The following CDH13 variants were observed in gnomAD, a reference collection of about 807,000 sequenced individuals.
CDH13 encodes cadherin 13, also known as cadherin-13.
CDH13 carries 24 observed loss-of-function variants against 63.8 expected under a neutral mutation model. The observed-to-expected ratio is 0.38, with a 90% CI of 0.27 to 0.53. CDH13 has a LOEUF of 0.53. Ranked by LOEUF, CDH13 falls within the 20% of genes least tolerant of loss-of-function variation. The pLI is 0.85. For synonymous variants in CDH13, 503 were observed against 355.3 expected (o/e 1.42, Z -4.67); for missense variants, 1,049 against 903.1 (o/e 1.16, Z -2.07).
intron 6 of CDH13, 48 bp downstream of exon 6, chr16:83,345,054 C>G (rs1181731317): frequency 6.3e-7 from 1 of 1,591,040 alleles, no homozygotes; most frequent in Non-Finnish European, 8.6e-7. Context: ...GAAAGAGGCA[C>G]ACTTTGATCT....
intron 6 of CDH13, among the ~76,000 whole-genome samples, chr16:83,353,952 T>C (rs1473394542): frequency 6.6e-6 from 1 of 152,224 alleles, no homozygotes; most frequent in Non-Finnish European, 1.5e-5. Context: ...AGGGAAGGAT[T>C]TGTGGCATCA....
intron 8 of CDH13, among the ~76,000 whole-genome samples, chr16:83,623,364 G>C (rs1909987995): frequency 6.6e-6 from 1 of 152,064 alleles, no homozygotes; most frequent in Admixed American, 6.5e-5. Context: ...TTTCTCCCTG[G>C]ATCTCAGCAT....
intron 5 of CDH13, among the ~76,000 whole-genome samples, chr16:83,312,859 A>C (rs1303849424): frequency 2.0e-5 from 3 of 152,180 alleles, no homozygotes; most frequent in Non-Finnish European, 4.4e-5. Context: ...AGGCCAGGAG[A>C]ATTTGACCTC....
chr16:83,203,900 C>CG (rs2039106033), intron 4 of CDH13, among the ~76,000 whole-genome samples: 1 of 152,054 alleles, frequency 6.6e-6, no homozygotes, highest in Non-Finnish European at 1.5e-5. Flanking sequence ...AGAATGCACA[C>CG]AAAACCCTTC....
At chr16:83,082,496 G>A (rs1021917613) in intron 3 of CDH13, among the ~76,000 whole-genome samples, 1 of 151,948 alleles carries the variant, frequency 6.6e-6, no homozygotes, top group African/African-American at 2.4e-5. Flanking sequence ...AGCCAGGTGT[G>A]GTGGTGGGTA....
intron 4 of CDH13, among the ~76,000 whole-genome samples, chr16:83,132,254 T>C (rs564460090): frequency 6.6e-6 from 1 of 152,190 alleles, no homozygotes; most frequent in East Asian, 1.9e-4. Context: ...AGACTCAGGG[T>C]TACTTGCTGT....
chr16:83,504,934 A>C (rs2074362341), intron 7 of CDH13, among the ~76,000 whole-genome samples: 1 of 152,180 alleles, frequency 6.6e-6, no homozygotes, highest in African/African-American at 2.4e-5. Flanking sequence ...GCCTCAAATA[A>C]AGCATCAAAA....
intron 1 of CDH13, among the ~76,000 whole-genome samples, chr16:82,708,049 CA>C (rs2031631128): frequency 3.3e-5 from 5 of 152,146 alleles, no homozygotes; most frequent in Admixed American, 3.3e-4. Flanking sequence ...GCTCAGACGT[CA>C]CCTTGGGCAT....
At chr16:82,749,616 C>A (rs867401933) in intron 1 of CDH13, among the ~76,000 whole-genome samples, 2 of 152,142 alleles carry the variant, frequency 1.3e-5, no homozygotes, top group African/African-American at 4.8e-5. Context: ...CATGTTCATG[C>A]GATTGTTTTA....
intron 8 of CDH13, among the ~76,000 whole-genome samples, chr16:83,661,431 C>T (rs542229334): frequency 2.6e-4 from 39 of 151,058 alleles, no homozygotes; most frequent in African/African-American, 7.6e-4. Context: ...TGCAATGAGA[C>T]GCAGTCACAC....
intron 11 of CDH13, among the ~76,000 whole-genome samples, chr16:83,751,874 G>C (rs577216333): frequency 1.3e-5 from 2 of 152,172 alleles, no homozygotes; most frequent in African/African-American, 4.8e-5. Context: ...TCTTGTTTTC[G>C]GAGGGTGGGT....
At chr16:83,023,323 C>G (rs921273996) in intron 2 of CDH13, among the ~76,000 whole-genome samples, 4 of 152,160 alleles carry the variant, frequency 2.6e-5, no homozygotes, top group South Asian at 2.1e-4. Flanking sequence ...ACCCCGCCCT[C>G]CCAGGGTGTT....
chr16:82,741,872 C>T (rs769337891), intron 1 of CDH13, among the ~76,000 whole-genome samples: 1 of 152,050 alleles, frequency 6.6e-6, no homozygotes, highest in African/African-American at 2.4e-5. Context: ...GGATTTTTAT[C>T]ATTTCTCTTT....
At chr16:83,560,899 GC>G (rs138383978) in intron 7 of CDH13, among the ~76,000 whole-genome samples, 27 of 148,570 alleles carry the variant, frequency 1.8e-4, no homozygotes, top group East Asian at 4.0e-4. Context: ...CATAAGGTTG[GC>G]CCCCCCCCCG....
Position 83,602,573 on chromosome 16 carries a change from A to G in CDH13, c.1080A>G (p.Ser360=). ...TGATCGATGACAAAAATGATCACTC[A>G]CCAAAATTCACCAAGAAAGAGGTAA... ...TIMIDDKNDH[S]PKFTKKEFQA... Residue 360 remains serine (S), a synonymous_variant, in exon 8 of 14, where the codon TCA becomes TCG. Transcript: ENST00000567109. 3 of 1,613,980 alleles carry G rather than the reference A, an allele frequency of 1.9e-6. No individual in the cohort carries two copies. Among genetic ancestry groups the G allele is most frequent in the Non-Finnish European group, 2.5e-6 (3 of 1,179,870 alleles).
intron 5 of CDH13, among the ~76,000 whole-genome samples, chr16:83,296,805 C>G (rs2089609260): frequency 6.6e-6 from 1 of 152,166 alleles, no homozygotes; most frequent in Admixed American, 6.5e-5. Flanking sequence ...CACCCAATAA[C>G]ACGGGTTTAT....
At chr16:83,715,346 C>T (rs1908726664) in intron 10 of CDH13, among the ~76,000 whole-genome samples, 1 of 152,138 alleles carries the variant, frequency 6.6e-6, no homozygotes, top group South Asian at 2.1e-4. Flanking sequence ...TGCAAGAATC[C>T]ATCTACTTTA....
intron 6 of CDH13, among the ~76,000 whole-genome samples, chr16:83,481,915 C>T (rs190197737): frequency 6.6e-6 from 1 of 152,158 alleles, no homozygotes. Flanking sequence ...AAGTGGTGGA[C>T]ATGGAGTCCA....
At chr16:82,666,398 C>A (rs534872750) in intron 1 of CDH13, among the ~76,000 whole-genome samples, 37 of 152,320 alleles carry the variant, frequency 2.4e-4, no homozygotes, top group African/African-American at 7.5e-4. Flanking sequence ...CCACCATCAG[C>A]CCTCCCTCTC....
Sources: allele counts gnomAD v4.1 joint callset (sites outside exome capture counted in the v4.1 genomes callset), GRCh38; gene constraint gnomAD v4.1.1; transcripts MANE v1.5; gene names NCBI Gene and HGNC (gene_info 2026-07-23, HGNC 2026-07-21).